Variants in DAB1 observed in about 807,000 individuals in gnomAD.
DAB1 encodes disabled homolog 1.
DAB1 carries 15 observed loss-of-function variants against 64.6 expected under a neutral mutation model. The observed-to-expected ratio is 0.23, with a 90% CI of 0.16 to 0.36. The LOEUF (loss-of-function observed/expected upper bound fraction) is 0.36. Among genes scored for constraint, DAB1 ranks in the 10% least tolerant of loss-of-function variants. The probability of loss-of-function intolerance (pLI) is 1.00; values close to 1 mark genes in which losing one functional copy is unlikely to be tolerated. For synonymous variants in DAB1, 235 were observed against 251.9 expected (o/e 0.93, Z 0.64); for missense variants, 596 against 706.7 (o/e 0.84, Z 1.78).
chr1:57,354,238 A>T (rs1215925082), intron 1 of DAB1, among the ~76,000 whole-genome samples: 2 of 152,118 alleles, frequency 1.3e-5, no homozygotes, highest in Non-Finnish European at 2.9e-5. Flanking sequence ...AATAAAAATA[A>T]AGTAGTATCT....
intron 6 of DAB1, among the ~76,000 whole-genome samples, chr1:57,788,296 TA>T (rs988226059): frequency 2.6e-5 from 4 of 152,092 alleles, no homozygotes; most frequent in Admixed American, 6.5e-5. Context: ...GAGGAATGGG[TA>T]AAAAAACACT....
At chr1:57,455,361 CTG>C (rs1197463968) in intron 7 of DAB1, among the ~76,000 whole-genome samples, 1 of 152,104 alleles carries the variant, frequency 6.6e-6, no homozygotes, top group Non-Finnish European at 1.5e-5. Flanking sequence ...GATGAGGAAA[CTG>C]AGATACATCT....
intron 6 of DAB1, among the ~76,000 whole-genome samples, chr1:57,717,624 T>C (rs899586567): frequency 6.6e-6 from 1 of 152,172 alleles, no homozygotes; most frequent in Non-Finnish European, 1.5e-5. Context: ...CACCTCCGTG[T>C]TTATTACAGT....
chr1:57,169,983 T>TG (rs1491112315), intron 2 of DAB1, among the ~76,000 whole-genome samples: 1 of 148,336 alleles, frequency 6.7e-6, no homozygotes, highest in Non-Finnish European at 1.5e-5. Context: ...TGCCTTTTTC[T>TG]TTTTCTTTCT....
At chr1:58,193,309 T>C (rs990242812) in intron 4 of DAB1, among the ~76,000 whole-genome samples, 1 of 152,130 alleles carries the variant, frequency 6.6e-6, no homozygotes, top group Non-Finnish European at 1.5e-5. Context: ...CCTTCTGCCA[T>C]GAATGGAAGC....
chr1:57,939,417 T>C (rs1403002571), intron 5 of DAB1, among the ~76,000 whole-genome samples: 1 of 152,192 alleles, frequency 6.6e-6, no homozygotes, highest in East Asian at 1.9e-4. Flanking sequence ...ATGAGCTAGA[T>C]GTATATTTAG....
chr1:58,391,915 A>C (rs1644479206), intron 3 of DAB1, among the ~76,000 whole-genome samples: 1 of 152,238 alleles, frequency 6.6e-6, no homozygotes, highest in Non-Finnish European at 1.5e-5. Flanking sequence ...AAACTGGGTA[A>C]GTAAGCACCC....
At chr1:57,669,473 C>T (rs971241872) in intron 6 of DAB1, among the ~76,000 whole-genome samples, 18 of 152,074 alleles carry the variant, frequency 1.2e-4, no homozygotes, top group African/African-American at 4.1e-4. Flanking sequence ...GCCCCCCTGC[C>T]CGCCATGAAA....
chr1:57,421,902 C>CGGGGGG (rs1309675216), intron 1 of DAB1, among the ~76,000 whole-genome samples: 15 of 11,706 alleles, frequency 1.3e-3, no homozygotes, highest in Admixed American at 4.8e-3. Flanking sequence ...TGGGGGGTGG[C>CGGGGGG]GGGGGGGGGG....
chr1:58,148,389 G>C (rs1380225155), intron 5 of DAB1, among the ~76,000 whole-genome samples: 1 of 152,186 alleles, frequency 6.6e-6, no homozygotes, highest in Non-Finnish European at 1.5e-5. Context: ...CACTGTCTTA[G>C]AATATATTCT....
At chr1:57,398,752 G>T (rs1298358002) in intron 1 of DAB1, among the ~76,000 whole-genome samples, 1 of 152,206 alleles carries the variant, frequency 6.6e-6, no homozygotes, top group Non-Finnish European at 1.5e-5. Context: ...AACATACACG[G>T]TTGCCACTGT....
At chr1:57,385,298 T>A (rs1452949443) in intron 1 of DAB1, among the ~76,000 whole-genome samples, 2 of 152,240 alleles carry the variant, frequency 1.3e-5, no homozygotes, top group African/African-American at 4.8e-5. Context: ...TTTCTTGAAT[T>A]TGTATTAGCT....
chr1:58,136,372 C>A (rs1653945973), intron 5 of DAB1, among the ~76,000 whole-genome samples: 1 of 152,104 alleles, frequency 6.6e-6, no homozygotes, highest in Non-Finnish European at 1.5e-5. Flanking sequence ...TCATATGTCC[C>A]CCACGCCCTG....
intron 7 of DAB1, among the ~76,000 whole-genome samples, chr1:57,476,056 C>A (rs1285847791): frequency 6.6e-6 from 1 of 151,910 alleles, no homozygotes; most frequent in Non-Finnish European, 1.5e-5. Flanking sequence ...GAAACTCTGT[C>A]TCCGCTAAAA....
intron 5 of DAB1, among the ~76,000 whole-genome samples, chr1:57,981,787 T>C (rs1431622599): frequency 6.6e-6 from 1 of 152,298 alleles, no homozygotes; most frequent in South Asian, 2.1e-4. Flanking sequence ...ACAGGCAGCA[T>C]TGTCTCCATT....
chr1:58,056,037 C>T lies in DAB1; in HGVS notation n.387+94474G>A, dbSNP rs1648048068. 3.5e-6 allele frequency: 3 copies of T among 867,932 alleles called. No individual in the cohort carries two copies. In the South Asian group the frequency reaches 4.2e-5, roughly 12 times the overall value. 53.8% of individuals were successfully genotyped at this position (867,932 alleles called of 1,614,324 possible). On this transcript the variant is annotated intron_variant and non_coding_transcript_variant, in intron 5 of 20. Transcript: ENST00000485760. ...CCAGGTGTGAGCCACCGTGCCTGGC[C>T]TCATGTGCATTCTTTTTTTTTTTTT...
intron 2 of DAB1, among the ~76,000 whole-genome samples, chr1:57,238,841 GCACA>G (rs373675306): frequency 2.2e-4 from 30 of 138,400 alleles, no homozygotes; most frequent in African/African-American, 3.6e-4. Flanking sequence ...GTGCACATGC[GCACA>G]CACACACACA....
intron 9 of DAB1, among the ~76,000 whole-genome samples, chr1:57,058,822 T>A (rs551762114): frequency 6.6e-6 from 1 of 152,324 alleles, no homozygotes; most frequent in East Asian, 1.9e-4. Context: ...ACTACCACAG[T>A]CCTCAGCGGG....
chr1:58,354,362 G>A (rs1644088537), intron 3 of DAB1, among the ~76,000 whole-genome samples: 1 of 152,098 alleles, frequency 6.6e-6, no homozygotes, highest in African/African-American at 2.4e-5. Flanking sequence ...ACATAAACCT[G>A]CCCCATCAAG....
Sources: allele counts gnomAD v4.1 joint callset (sites outside exome capture counted in the v4.1 genomes callset), GRCh38; gene constraint gnomAD v4.1.1; transcripts MANE v1.5; gene names NCBI Gene and HGNC (gene_info 2026-07-23, HGNC 2026-07-21).